Variants in GJC1 observed in about 807,000 individuals in gnomAD.
GJC1 encodes gap junction gamma-1 protein.
In GJC1, 5 loss-of-function variants were observed where a neutral mutation model predicts 29.3. That is an observed-to-expected ratio of 0.17 (90% CI 0.09 to 0.36). The LOEUF (loss-of-function observed/expected upper bound fraction) is 0.36, where lower values mean the gene tolerates loss of function less well. GJC1 is among the 10% of genes least tolerant of loss of function. GJC1 has a pLI of 1.00. For synonymous variants in GJC1, 177 were observed against 183.3 expected (o/e 0.97, Z 0.28); for missense variants, 310 against 496.2 (o/e 0.62, Z 3.56).
At chr17:44,807,230 G>A (rs920686572) in intron 2 of GJC1, among the ~76,000 whole-genome samples, 164 bp downstream of exon 2, 1 of 152,120 alleles carries the variant, frequency 6.6e-6, no homozygotes, top group Admixed American at 6.5e-5. Context: ...CTACATCCAG[G>A]ATCCAGGTAA....
chr17:44,805,416 G>A lies in GJC1; in HGVS notation c.402C>T (p.Asn134=), dbSNP rs767121932. Residue 134 remains asparagine, a synonymous_variant, in exon 3 of 3, where the codon AAC becomes AAT. Transcript: ENST00000592524. This position sits in a 1 kb window ranked among gnomAD's most constrained non-coding sequence, Gnocchi z 5.1. ...HRALEETEED[N]EEDPMMYPEM... ...CTGGATACATCATAGGATCCTCTTC[G>A]TTGTCCTCCTCCGTTTCTTCCAGAG... 1.1e-5 allele frequency: 18 copies of A among 1,613,962 alleles called. No individual in the cohort carries two copies. The highest frequency in any genetic ancestry group is 8.9e-5 in the East Asian group (4 of 44,896).
At chr17:44,824,561 C>T (rs1247672510) in intron 1 of GJC1, among the ~76,000 whole-genome samples, 3 of 151,964 alleles carry the variant, frequency 2.0e-5, no homozygotes, top group African/African-American at 4.8e-5. Context: ...CCTCAGCCTC[C>T]GAAAGTGCTG....
intron 1 of GJC1, among the ~76,000 whole-genome samples, chr17:44,824,098 C>G (rs138778546): frequency 0.024 from 3,596 of 152,104 alleles, 69 homozygotes; most frequent in Non-Finnish European, 0.039. Context: ...ACCTCCACCT[C>G]CCGGGTTCAA....
In GJC1 at chr17:44,803,530, T is replaced by C. The variant is rs1597739485; in HGVS notation, c.*1097A>G. 6.6e-6 allele frequency: 1 copy of C among 152,356 alleles called. No individual in the cohort carries two copies. Among genetic ancestry groups the C allele is most frequent in the East Asian group, 1.9e-4 (1 of 5,188 alleles). The allele number at this position is 152,356 out of a possible 1,614,324, so 9.4% of individuals were successfully genotyped here. ...AGTAAGAATTTAATCACAAAACTTCTATGGTAAATTATAAAAAATAAGAAA... is the reference window on the plus strand; with the variant it reads ...AGTAAGAATTTAATCACAAAACTTCCATGGTAAATTATAAAAAATAAGAAA... On this transcript the variant is annotated 3_prime_UTR_variant, in exon 3 of 3. Coordinates refer to ENST00000592524, the MANE Select transcript of GJC1 (RefSeq NM_005497.4).
At position 44,799,497 on chromosome 17, in the gene GJC1, T is replaced by C. The variant is rs8070598; in HGVS notation, c.*5130A>G. On this transcript the variant is annotated 3_prime_UTR_variant, in exon 3 of 3. Coordinates refer to ENST00000592524, the MANE Select transcript of GJC1 (RefSeq NM_005497.4). ...CTGGGATTACAGGTGTTAGCCACCA[T>C]GCACAGCCGAGAACTTTCTTTTATT... 0.89 allele frequency: 135,179 copies of C among 152,090 alleles called. 60,200 individuals carry two copies. Among genetic ancestry groups the C allele is most frequent in the Middle Eastern group, 0.92 (270 of 294 alleles). The allele number at this position is 152,090 out of a possible 1,614,324, so 9.4% of individuals were successfully genotyped here. A position where few individuals can be genotyped will look rare whatever the true frequency, so the allele number is the denominator to read the frequency against.
intron 1 of GJC1, among the ~76,000 whole-genome samples, chr17:44,827,701 G>A (rs1182024243): frequency 6.6e-6 from 1 of 152,078 alleles, no homozygotes; most frequent in Non-Finnish European, 1.5e-5. Flanking sequence ...GGGAGGCCGA[G>A]GCGGGAGGAT....
rs538546962 is a variant in GJC1 at position 44,815,480 on chromosome 17, C to T, written c.-96-8011G>A. Among the ~76,000 whole-genome samples, 5 of 152,238 alleles carry T rather than the reference C, an allele frequency of 3.3e-5. No individual in the cohort carries two copies. In the East Asian group the frequency reaches 7.7e-4, roughly 23 times the overall value. ...ACTGTCATTTGGTTTTCAAAAAAGG[C>T]ACTAGTAATTTACAGTGCCTGGCAA... is the stretch of plus-strand genomic sequence containing the variant. On this transcript the variant is annotated intron_variant, in intron 1 of 2. Transcript: ENST00000592524.
chr17:44,810,680 T>C lies in GJC1; in HGVS notation c.-96-3211A>G, dbSNP rs115677923. On this transcript the variant is annotated intron_variant, in intron 1 of 2. Coordinates refer to ENST00000592524, the MANE Select transcript of GJC1 (RefSeq NM_005497.4). ...CTGGAGATCTGCAGACGGACTCCCC[T>C]CCATACCCCAGGTCTTCAGCTCTGA... is the stretch of plus-strand genomic sequence containing the variant. 4.2e-3 allele frequency among the ~76,000 whole-genome samples: 633 copies of C among 152,224 alleles called. 2 individuals carry two copies. The highest frequency in any genetic ancestry group is 0.014 in the African/African-American group (594 of 41,562).
chr17:44,825,632 G>A (rs1336870137), intron 1 of GJC1, among the ~76,000 whole-genome samples: 1 of 152,070 alleles, frequency 6.6e-6, no homozygotes, highest in Non-Finnish European at 1.5e-5. Flanking sequence ...AAAATTAGCT[G>A]GGCGTGGTGG....
At chr17:44,821,697 C>CAAAAAAAAAAAAAAAAA (rs61303163) in intron 1 of GJC1, among the ~76,000 whole-genome samples, 10 of 58,356 alleles carry the variant, frequency 1.7e-4, no homozygotes, top group African/African-American at 7.0e-4. Flanking sequence ...AACTCCGTCT[C>CAAAAAAAAAAAAAAAAA]AAAAAAAAAA....
chr17:44,823,839 G>C (rs1047451926), intron 1 of GJC1, among the ~76,000 whole-genome samples: 1 of 151,466 alleles, frequency 6.6e-6, no homozygotes, highest in African/African-American at 2.4e-5. Flanking sequence ...AGCCTCCTAA[G>C]TAGCTGGGAC....
chr17:44,818,685 C>T (rs926924545), intron 1 of GJC1, among the ~76,000 whole-genome samples: 8 of 152,000 alleles, frequency 5.3e-5, no homozygotes, highest in Admixed American at 2.6e-4. Context: ...ATCCCAGCTA[C>T]TCAGGAGGCT....
rs149634881 is a variant in GJC1 at position 44,812,772 on chromosome 17, C to T, written c.-96-5303G>A. Among the ~76,000 whole-genome samples, 405 of 151,694 alleles carry T rather than the reference C, an allele frequency of 2.7e-3. 2 individuals are homozygous for T. Among genetic ancestry groups the T allele is most frequent in the African/African-American group, 8.2e-3 (339 of 41,398 alleles). ...AAGCGATTCTCCTGCCTCAGCCTCCCGAATAGCTGGGACTACAGGCCCGTG... is the reference window on the plus strand; with the variant it reads ...AAGCGATTCTCCTGCCTCAGCCTCCTGAATAGCTGGGACTACAGGCCCGTG... On this transcript the variant is annotated intron_variant, in intron 1 of 2. Coordinates refer to ENST00000592524, the MANE Select transcript of GJC1 (RefSeq NM_005497.4).
intron 2 of GJC1, among the ~76,000 whole-genome samples, chr17:44,806,820 G>C (rs958279215): frequency 2.0e-5 from 3 of 151,978 alleles, no homozygotes; most frequent in Non-Finnish European, 4.4e-5. Context: ...ACATAAAGGG[G>C]ACACCTCGGT....
At chr17:44,818,929 G>A (rs926866134) in intron 1 of GJC1, among the ~76,000 whole-genome samples, 2 of 152,008 alleles carry the variant, frequency 1.3e-5, no homozygotes, top group African/African-American at 2.4e-5. Context: ...ACAACATGGC[G>A]AGACCCCGTC....
intron 1 of GJC1, among the ~76,000 whole-genome samples, chr17:44,826,580 T>C (rs758103234): frequency 2.0e-5 from 3 of 152,074 alleles, no homozygotes; most frequent in East Asian, 1.9e-4. Flanking sequence ...CATCATATCC[T>C]TGTTTTAGGA....
At chr17:44,812,775 A>T (rs1345209375) in intron 1 of GJC1, among the ~76,000 whole-genome samples, 1 of 150,272 alleles carries the variant, frequency 6.7e-6, no homozygotes, top group African/African-American at 2.4e-5. Context: ...AGCCTCCCGA[A>T]TAGCTGGGAC....
At chr17:44,824,298 A>T (rs1020757257) in intron 1 of GJC1, among the ~76,000 whole-genome samples, 1 of 151,742 alleles carries the variant, frequency 6.6e-6, no homozygotes, top group African/African-American at 2.4e-5. Context: ...GAGCCACCGC[A>T]CCCGGCCTCT....
chr17:44,814,795 T>C (rs1436200600), intron 1 of GJC1, among the ~76,000 whole-genome samples: 1 of 151,960 alleles, frequency 6.6e-6, no homozygotes, highest in Non-Finnish European at 1.5e-5. Context: ...ATACAAAAAT[T>C]AGCTGGGCGT....
Sources: gnomAD v4.1 joint callset for allele counts (sites outside exome capture counted in the v4.1 genomes callset) on GRCh38, gnomAD v4.1.1 for gene constraint, Gnocchi (gnomAD v3.1) non-coding constraint, MANE v1.5 for transcripts, NCBI Gene and HGNC (gene_info 2026-07-23, HGNC 2026-07-21) for gene names.